The following PIBF1 variants were observed in gnomAD, a reference collection of about 807,000 sequenced individuals.
The protein encoded by PIBF1 is progesterone immunomodulatory binding factor 1, also known as progesterone-induced-blocking factor 1.
In PIBF1, 90 loss-of-function variants were observed where a neutral mutation model predicts 112.5. That is an observed-to-expected ratio of 0.80 (90% confidence interval 0.67 to 0.95). The LOEUF (loss-of-function observed/expected upper bound fraction) is 0.95. Ranked by LOEUF, PIBF1 falls within the 40% of genes least tolerant of loss-of-function variation. The pLI is 0.00. For missense variants in PIBF1, 915 were observed against 852.3 expected (o/e 1.07, Z -0.92); for synonymous variants, 301 against 288.6 (o/e 1.04, Z -0.44).
intron 16 of PIBF1, among the ~76,000 whole-genome samples, chr13:72,996,574 G>A (rs2043680283): frequency 1.3e-5 from 2 of 152,142 alleles, no homozygotes; most frequent in South Asian, 2.1e-4. Context: ...AATCACTTAA[G>A]GCCAGGAGTG....
intron 2 of PIBF1, among the ~76,000 whole-genome samples, chr13:72,786,148 T>C (rs1402750664): frequency 2.6e-5 from 4 of 152,226 alleles, no homozygotes; most frequent in Non-Finnish European, 5.9e-5. Context: ...AATAAACTTA[T>C]TATTTACATA....
Position 72,904,433 on chromosome 13 carries a change from C to CTTTTT in PIBF1, c.1489-4077_1489-4073dup, listed in dbSNP as rs71099767. On this transcript the variant is annotated intron_variant, in intron 11 of 17. Coordinates refer to ENST00000326291, the MANE Select transcript of PIBF1 (RefSeq NM_006346.4). ...ATTTATCCAAAATATCAAAATATTTCTTTTTTTTTTTTTTTTTTTTTTTTT... is the reference window on the plus strand; with the variant it reads ...ATTTATCCAAAATATCAAAATATTTCTTTTTTTTTTTTTTTTTTTTTTTTTTTTTT... 9.3e-3 allele frequency among the ~76,000 whole-genome samples: 339 copies of CTTTTT among 36,526 alleles called. 72 individuals are homozygous for CTTTTT. Among genetic ancestry groups the CTTTTT allele is most frequent in the African/African-American group, 0.023 (202 of 8,892 alleles). 24.0% of individuals were successfully genotyped at this position (36,526 alleles called of 152,430 possible).
chr13:72,862,370 G>A (rs2038732243), intron 10 of PIBF1, among the ~76,000 whole-genome samples: 1 of 152,196 alleles, frequency 6.6e-6, no homozygotes, highest in Non-Finnish European at 1.5e-5. Flanking sequence ...TTGGGAGGCT[G>A]AGGCAAGAGA....
At chr13:72,823,371 T>A (rs1174004948) in intron 6 of PIBF1, among the ~76,000 whole-genome samples, 1 of 152,112 alleles carries the variant, frequency 6.6e-6, no homozygotes, top group Non-Finnish European at 1.5e-5. Flanking sequence ...ATGTTTTCAT[T>A]TACTATAATA....
intron 17 of PIBF1, among the ~76,000 whole-genome samples, chr13:73,012,197 C>G (rs1478959270): frequency 3.3e-5 from 5 of 151,966 alleles, no homozygotes; most frequent in African/African-American, 4.8e-5. Context: ...ACTAAAAGTA[C>G]AAAAACTAGC....
At chr13:72,907,146 T>C (rs768799580) in intron 11 of PIBF1, among the ~76,000 whole-genome samples, 7 of 152,168 alleles carry the variant, frequency 4.6e-5, no homozygotes, top group Non-Finnish European at 7.4e-5. Flanking sequence ...ATTTTATTCC[T>C]TCTCCACTCT....
intron 14 of PIBF1, among the ~76,000 whole-genome samples, chr13:72,957,301 G>A (rs1433847484): frequency 6.6e-6 from 1 of 152,138 alleles, no homozygotes; most frequent in Non-Finnish European, 1.5e-5. Context: ...AGAAAATGTG[G>A]TATGTATATA....
In PIBF1 at chr13:72,983,249, A is replaced by T. The variant is rs190044636; in HGVS notation, c.2049+9574A>T. On this transcript the variant is annotated intron_variant, in intron 16 of 17. Coordinates refer to ENST00000326291, the MANE Select transcript of PIBF1 (RefSeq NM_006346.4). ...CAGGAGGTCAAGGCTGCAGTGAGTCATGATTGCACCACTGCACTCCAGCCT... is the reference window on the plus strand; with the variant it reads ...CAGGAGGTCAAGGCTGCAGTGAGTCTTGATTGCACCACTGCACTCCAGCCT... Among the ~76,000 whole-genome samples the T allele has an allele frequency of 2.0e-5, 3 of 152,144 alleles. No homozygotes were observed. In the East Asian group the frequency reaches 5.8e-4, roughly 29 times the overall value.
Position 72,957,593 on chromosome 13 carries a change from A to G in PIBF1, c.1834-7681A>G, listed in dbSNP as rs556510319. ...CTGCTCAGGTGATGGGTGCACCGAA[A>G]TCTCAGAAATCACCACTAAAGATCT... On this transcript the variant is annotated intron_variant, in intron 14 of 17. Transcript: ENST00000326291. Among the ~76,000 whole-genome samples the G allele has an allele frequency of 2.6e-4, 40 of 152,218 alleles. 1 individual carries two copies. Among genetic ancestry groups the G allele is most frequent in the Admixed American group, 2.2e-3 (33 of 15,274 alleles).
intron 10 of PIBF1, 29 bp downstream of exon 10, chr13:72,854,184 A>G (rs768784800): frequency 7.5e-7 from 1 of 1,331,692 alleles, no homozygotes; most frequent in Non-Finnish European, 1.1e-6. Context: ...GAAATGTTAA[A>G]ACTCTTCCAT....
intron 9 of PIBF1, among the ~76,000 whole-genome samples, chr13:72,840,579 A>G (rs1566342218): frequency 6.8e-6 from 1 of 147,034 alleles, no homozygotes; most frequent in Non-Finnish European, 1.5e-5. Flanking sequence ...ACTGGAGTGC[A>G]GTGGCGTGAT....
intron 10 of PIBF1, among the ~76,000 whole-genome samples, chr13:72,879,019 G>A (rs1187064881): frequency 6.6e-6 from 1 of 152,052 alleles, no homozygotes; most frequent in African/African-American, 2.4e-5. Flanking sequence ...TGCATTTCTT[G>A]TAGGCAGTAT....
rs78048534 is a variant in PIBF1 at position 72,929,400 on chromosome 13, T to A, written c.1731-1765T>A. Among the ~76,000 whole-genome samples, 40 of 152,258 alleles carry A rather than the reference T, an allele frequency of 2.6e-4. 1 individual carries two copies. The East Asian group carries it at 7.1e-3, about 27-fold the overall frequency. On this transcript the variant is annotated intron_variant, in intron 13 of 17. Transcript: ENST00000326291. ...TGAAGAACAATATAGTCATAAACTGTAAACTCCTTAAAAATTTATAAAGAG... is the reference window on the plus strand; with the variant it reads ...TGAAGAACAATATAGTCATAAACTGAAAACTCCTTAAAAATTTATAAAGAG...
chr13:72,858,278 G>T (rs927866620), intron 10 of PIBF1, among the ~76,000 whole-genome samples: 4 of 152,030 alleles, frequency 2.6e-5, no homozygotes, highest in Non-Finnish European at 5.9e-5. Context: ...TCTCGAATTC[G>T]TGACCTCAAG....
intron 11 of PIBF1, chr13:72,900,999 G>A (rs2138613016): frequency 7.5e-6 from 3 of 402,218 alleles, no homozygotes; most frequent in Non-Finnish European, 1.5e-5. Flanking sequence ...TGCACCCTGG[G>A]CAACCAGAGC....
intron 16 of PIBF1, among the ~76,000 whole-genome samples, chr13:72,975,092 G>A (rs2042987381): frequency 7.4e-6 from 1 of 134,738 alleles, no homozygotes; most frequent in Non-Finnish European, 1.5e-5. Flanking sequence ...ATCTTGCTCT[G>A]TCACCCAGGC....
intron 11 of PIBF1, chr13:72,901,219 A>C (rs1224826661): frequency 1.2e-5 from 3 of 244,506 alleles, no homozygotes; most frequent in Non-Finnish European, 2.5e-5. Context: ...CAGTAAAAAA[A>C]ACAATCCCAT....
chr13:72,880,688 C>T (rs962507536), intron 10 of PIBF1, among the ~76,000 whole-genome samples: 35 of 152,102 alleles, frequency 2.3e-4, no homozygotes, highest in African/African-American at 8.0e-4. Context: ...AAATTTGAAA[C>T]TATAAAAATA....
At chr13:72,799,057 G>T (rs1185199334) in intron 5 of PIBF1, among the ~76,000 whole-genome samples, 1 of 152,146 alleles carries the variant, frequency 6.6e-6, no homozygotes, top group Non-Finnish European at 1.5e-5. Context: ...TTACTTTCTA[G>T]CAGGTTAGGA....
Sources: gnomAD v4.1 joint callset for allele counts (sites outside exome capture counted in the v4.1 genomes callset) on GRCh38, gnomAD v4.1.1 for gene constraint, MANE v1.5 for transcripts, NCBI Gene and HGNC (gene_info 2026-07-23, HGNC 2026-07-21) for gene names.